Variants in ARMC8 observed in about 807,000 individuals in gnomAD.
ARMC8 encodes the protein armadillo repeat-containing protein 8.
Under a neutral mutation model 99.3 loss-of-function variants are expected in ARMC8, and 20 were observed. The observed-to-expected ratio is 0.20, with a 90% CI of 0.14 to 0.29. The LOEUF (loss-of-function observed/expected upper bound fraction) is 0.29, where lower values mean the gene tolerates loss of function less well. Among genes scored for constraint, ARMC8 ranks in the 10% least tolerant of loss-of-function variants. ARMC8 has a pLI of 1.00. For missense variants in ARMC8, 569 were observed against 809.5 expected (o/e 0.70, Z 3.60); for synonymous variants, 263 against 278.3 (o/e 0.95, Z 0.55).
intron 2 of ARMC8, among the ~76,000 whole-genome samples, chr3:138,215,605 T>C (rs1225375127): frequency 6.6e-6 from 1 of 152,228 alleles, no homozygotes; most frequent in East Asian, 1.9e-4. Flanking sequence ...TTCCTTGGAA[T>C]GATTAAATAT....
intron 18 of ARMC8, among the ~76,000 whole-genome samples, chr3:138,278,012 A>G (rs772579325): frequency 6.6e-6 from 1 of 152,236 alleles, no homozygotes; most frequent in Admixed American, 6.5e-5. Flanking sequence ...ACAAAAGGCA[A>G]GATACTATAT....
intron 1 of ARMC8, among the ~76,000 whole-genome samples, chr3:138,203,432 T>C (rs1395610975): frequency 1.3e-5 from 2 of 152,222 alleles, no homozygotes; most frequent in African/African-American, 2.4e-5. Context: ...AGTCACAGTG[T>C]CATCTGAAGG....
chr3:138,227,637 T>C (rs1257108683), intron 5 of ARMC8, among the ~76,000 whole-genome samples: 1 of 152,224 alleles, frequency 6.6e-6, no homozygotes. Flanking sequence ...TTCTTTTTTT[T>C]CCCAAGGAAA....
Position 138,187,320 on chromosome 3 carries a change from G to A in ARMC8, c.-235G>A. On this transcript the variant is annotated 5_prime_UTR_variant, in exon 1 of 22. Transcript: ENST00000469044. ...CTGCCCGCTTCCACCTCTAACCCAG[G>A]CTCAGAGTAGCTGCTGTTTCTGAGA... is the stretch of plus-strand genomic sequence containing the variant. The A allele has an allele frequency of 2.1e-6, 1 of 483,120 alleles. No individual in the cohort carries two copies. The highest frequency in any genetic ancestry group is 3.7e-6 in the Non-Finnish European group (1 of 270,280). 29.9% of individuals were successfully genotyped at this position (483,120 alleles called of 1,614,324 possible). A position where few individuals can be genotyped will look rare whatever the true frequency, so the allele number is the denominator to read the frequency against.
chr3:138,210,698 T>G (rs1250083035), intron 2 of ARMC8, among the ~76,000 whole-genome samples: 1 of 152,176 alleles, frequency 6.6e-6, no homozygotes, highest in Non-Finnish European at 1.5e-5. Flanking sequence ...TCTTTTTCTC[T>G]AATCCCATAA....
intron 1 of ARMC8, among the ~76,000 whole-genome samples, chr3:138,193,173 T>A (rs978120134): frequency 4.6e-5 from 7 of 152,080 alleles, no homozygotes; most frequent in African/African-American, 1.4e-4. Context: ...TTCACCATGT[T>A]AGTCAGACTG....
intron 5 of ARMC8, among the ~76,000 whole-genome samples, chr3:138,226,477 G>C (rs764993664): frequency 2.6e-5 from 4 of 152,144 alleles, no homozygotes; most frequent in African/African-American, 4.8e-5. Context: ...TGAGTCTTGG[G>C]TTTTGCATTT....
At chr3:138,191,316 A>G (rs1362588810) in intron 1 of ARMC8, among the ~76,000 whole-genome samples, 1 of 152,214 alleles carries the variant, frequency 6.6e-6, no homozygotes, top group African/African-American at 2.4e-5. Context: ...ACAAATTCAT[A>G]AATTTCTGCA....
intron 1 of ARMC8, among the ~76,000 whole-genome samples, chr3:138,203,164 C>T (rs1206329040): frequency 2.0e-5 from 3 of 152,196 alleles, no homozygotes; most frequent in African/African-American, 7.2e-5. Flanking sequence ...CTTAATTTGT[C>T]TCCAACAATC....
At chr3:138,222,020 T>C in intron 3 of ARMC8, 23 bp downstream of exon 3, 1 of 1,582,792 alleles carries the variant, frequency 6.3e-7, no homozygotes, top group Non-Finnish European at 8.7e-7. Flanking sequence ...TCTCACCCCT[T>C]TCTTGCCATT....
At chr3:138,284,659 ACTCTCTTCCATC>A in intron 19 of ARMC8, 133 bp downstream of exon 19, 1 of 656,166 alleles carries the variant, frequency 1.5e-6, no homozygotes, top group Non-Finnish European at 2.6e-6. Flanking sequence ...GATTCAAAGA[ACTCTCTTCCATC>A]CTGAAGAAAA....
At chr3:138,230,887 C>T (rs1412018593) in intron 6 of ARMC8, among the ~76,000 whole-genome samples, 1 of 152,182 alleles carries the variant, frequency 6.6e-6, no homozygotes, top group Admixed American at 6.5e-5. Flanking sequence ...TCATCTGAAA[C>T]TTCTCAATGC....
intron 1 of ARMC8, among the ~76,000 whole-genome samples, chr3:138,202,610 T>G (rs1339168892): frequency 6.6e-6 from 1 of 152,224 alleles, no homozygotes; most frequent in African/African-American, 2.4e-5. Flanking sequence ...ACATCACCAT[T>G]TTATTATTAA....
intron 1 of ARMC8, among the ~76,000 whole-genome samples, chr3:138,201,436 C>T (rs1576594591): frequency 6.2e-5 from 4 of 64,996 alleles, no homozygotes; most frequent in African/African-American, 8.7e-5. Flanking sequence ...CTTCCCCTCC[C>T]TTTTTTTTTT....
chr3:138,233,570 G>GT (rs1018339331), intron 6 of ARMC8, among the ~76,000 whole-genome samples: 3 of 152,148 alleles, frequency 2.0e-5, no homozygotes, highest in Admixed American at 1.3e-4. Context: ...AAATTGCTGA[G>GT]TTTTTTACAG....
intron 1 of ARMC8, among the ~76,000 whole-genome samples, chr3:138,193,211 T>C (rs992450740): frequency 2.0e-5 from 3 of 151,886 alleles, no homozygotes; most frequent in African/African-American, 7.3e-5. Context: ...TCAGGCAGTC[T>C]GCCCATCTTG....
At chr3:138,209,763 G>C in intron 1 of ARMC8, 54 bp from the exon 2 acceptor site, 1 of 1,449,554 alleles carries the variant, frequency 6.9e-7, no homozygotes. Context: ...GTGATGCTGT[G>C]AATTTGTGAT....
At chr3:138,197,169 T>C (rs2043785731) in intron 1 of ARMC8, among the ~76,000 whole-genome samples, 1 of 152,208 alleles carries the variant, frequency 6.6e-6, no homozygotes, top group African/African-American at 2.4e-5. Flanking sequence ...TGGCCTGCGA[T>C]ATTGCCGTGA....
chr3:138,248,001 G>A lies in ARMC8; in HGVS notation c.1134+2818G>A, dbSNP rs553327330. Among the ~76,000 whole-genome samples the A allele has an allele frequency of 9.2e-5, 14 of 152,266 alleles. No homozygotes were observed. In the South Asian group the frequency reaches 1.9e-3, roughly 20 times the overall value. ...TTTGTTTGGACCTTTATCCTGCATG[G>A]AGCAAAATTGGTATTCTAATTCCGA... On this transcript the variant is annotated intron_variant, in intron 12 of 21. Transcript: ENST00000469044.
Sources: gnomAD v4.1 joint callset for allele counts (sites outside exome capture counted in the v4.1 genomes callset) on GRCh38, gnomAD v4.1.1 for gene constraint, MANE v1.5 for transcripts, NCBI Gene and HGNC (gene_info 2026-07-23, HGNC 2026-07-21) for gene names.